The following THSD7B variants were observed in gnomAD, a reference collection of about 807,000 sequenced individuals.
THSD7B encodes thrombospondin type-1 domain-containing protein 7B.
THSD7B carries 138 observed loss-of-function variants against 213.6 expected under a neutral mutation model. The observed-to-expected ratio is 0.65, with a 90% confidence interval of 0.56 to 0.74. The LOEUF (loss-of-function observed/expected upper bound fraction) is 0.74, where lower values mean the gene tolerates loss of function less well. Among genes scored for constraint, THSD7B ranks in the 30% least tolerant of loss-of-function variants. The pLI, the probability that THSD7B is intolerant of heterozygous loss-of-function variation, is 0.00. For missense variants in THSD7B, 1,931 were observed against 1,991.5 expected, an observed-to-expected ratio of 0.97 and a Z score of 0.58; for synonymous variants, 742 against 687.0, an observed-to-expected ratio of 1.08 and a Z score of -1.25.
intron 15 of THSD7B, among the ~76,000 whole-genome samples, chr2:137,477,570 T>C (rs1417292527): frequency 6.6e-6 from 1 of 151,966 alleles, no homozygotes; most frequent in Non-Finnish European, 1.5e-5. Context: ...TTTTATTAAC[T>C]GATTTCTGGT....
Position 137,289,854 on chromosome 2 carries a change from T to C in THSD7B, c.2500+13828T>C, listed in dbSNP as rs2573089. 5.9e-3 allele frequency among the ~76,000 whole-genome samples: 896 copies of C among 152,134 alleles called. 9 individuals are homozygous for C. The highest frequency in any genetic ancestry group is 0.02 in the African/African-American group (812 of 41,536). On this transcript the variant is annotated intron_variant, in intron 12 of 27. Coordinates refer to ENST00000409968, the MANE Select transcript of THSD7B (RefSeq NM_001316349.2). ...AAGGTGTTCGAGAGGGAGGAAATACTTGAGTAAGCATGATTTTTGGGTGAG... is the reference window on the plus strand; with the variant it reads ...AAGGTGTTCGAGAGGGAGGAAATACCTGAGTAAGCATGATTTTTGGGTGAG...
chr2:137,616,502 A>G (rs892603956), intron 18 of THSD7B, among the ~76,000 whole-genome samples, 186 bp downstream of exon 18: 1 of 152,212 alleles, frequency 6.6e-6, no homozygotes, highest in Admixed American at 6.5e-5. Context: ...CTTGGCATGT[A>G]GAATCAGCAA....
At chr2:137,052,593 T>A (rs1687089126) in intron 2 of THSD7B, among the ~76,000 whole-genome samples, 1 of 152,140 alleles carries the variant, frequency 6.6e-6, no homozygotes, top group Admixed American at 6.5e-5. Flanking sequence ...GTAATAAATG[T>A]AAAGGTAATA....
At chr2:136,925,257 T>A (rs1366122238) in intron 2 of THSD7B, among the ~76,000 whole-genome samples, 2 of 152,348 alleles carry the variant, frequency 1.3e-5, no homozygotes, top group African/African-American at 4.8e-5. Flanking sequence ...TTTCTTATCT[T>A]AGAAGAAAAG....
intron 5 of THSD7B, among the ~76,000 whole-genome samples, chr2:137,141,713 T>A (rs959961522): frequency 5.3e-5 from 8 of 151,734 alleles, no homozygotes; most frequent in Non-Finnish European, 1.2e-4. Context: ...GTTTGTATCT[T>A]CCAGATAAAA....
chr2:137,433,576 A>T (rs1301231121), intron 14 of THSD7B, among the ~76,000 whole-genome samples: 1 of 151,628 alleles, frequency 6.6e-6, no homozygotes, highest in Non-Finnish European at 1.5e-5. Context: ...CTGGTCTCGA[A>T]CTCCTGACCT....
chr2:137,621,332 G>A (rs1425114197), intron 20 of THSD7B, among the ~76,000 whole-genome samples: 1 of 152,154 alleles, frequency 6.6e-6, no homozygotes, highest in Non-Finnish European at 1.5e-5. Flanking sequence ...GAAGATGGCA[G>A]GGAAGGAAAT....
intron 14 of THSD7B, among the ~76,000 whole-genome samples, chr2:137,430,247 C>CA (rs1466853231): frequency 2.0e-5 from 3 of 151,730 alleles, no homozygotes; most frequent in South Asian, 4.2e-4. Context: ...GACCCTGACT[C>CA]AAAAAAATTT....
intron 21 of THSD7B, among the ~76,000 whole-genome samples, chr2:137,644,875 G>A (rs529516280): frequency 3.3e-5 from 5 of 152,158 alleles, no homozygotes; most frequent in Non-Finnish European, 7.4e-5. Context: ...CACAGTGGGT[G>A]TGCCAATTCT....
intron 2 of THSD7B, among the ~76,000 whole-genome samples, chr2:136,998,109 C>G (rs1685927041): frequency 6.6e-6 from 1 of 151,972 alleles, no homozygotes; most frequent in Non-Finnish European, 1.5e-5. Context: ...AAACCTCACT[C>G]AATGCCGTGG....
chr2:137,544,130 T>C (rs896750203), intron 15 of THSD7B, among the ~76,000 whole-genome samples: 4 of 151,564 alleles, frequency 2.6e-5, no homozygotes, highest in Admixed American at 1.3e-4. Flanking sequence ...ACCAAGAAAA[T>C]TGATAACATA....
chr2:136,949,584 A>G (rs1685000810), intron 2 of THSD7B, among the ~76,000 whole-genome samples: 1 of 152,222 alleles, frequency 6.6e-6, no homozygotes, highest in Admixed American at 6.5e-5. Context: ...CCTCTGTTGA[A>G]ATCTAAACAT....
intron 12 of THSD7B, among the ~76,000 whole-genome samples, chr2:137,387,319 C>G (rs1368844746): frequency 6.6e-6 from 1 of 152,184 alleles, no homozygotes; most frequent in Non-Finnish European, 1.5e-5. Context: ...CATTCCCTAA[C>G]AAGGATACTC....
chr2:136,943,750 C>T (rs1045987196), intron 2 of THSD7B, among the ~76,000 whole-genome samples: 2 of 151,838 alleles, frequency 1.3e-5, no homozygotes, highest in Admixed American at 6.6e-5. Flanking sequence ...TTTTTTATTG[C>T]CTCTATTTGA....
intron 7 of THSD7B, among the ~76,000 whole-genome samples, chr2:137,184,336 T>C (rs1417913050): frequency 1.3e-5 from 2 of 152,124 alleles, no homozygotes; most frequent in African/African-American, 4.8e-5. Context: ...TATTATCACA[T>C]TGGCCATTAA....
At chr2:137,604,341 C>T (rs989171268) in intron 17 of THSD7B, among the ~76,000 whole-genome samples, 4 of 152,064 alleles carry the variant, frequency 2.6e-5, no homozygotes, top group African/African-American at 7.2e-5. Context: ...AATAATATTT[C>T]GTTATTATGA....
chr2:136,866,082 T>A (rs577672977), intron 1 of THSD7B, among the ~76,000 whole-genome samples: 1 of 152,192 alleles, frequency 6.6e-6, no homozygotes, highest in Admixed American at 6.5e-5. Context: ...CCAAAAGTAT[T>A]GTCAACACCT....
At chr2:137,297,436 T>C (rs1683493261) in intron 12 of THSD7B, among the ~76,000 whole-genome samples, 1 of 151,966 alleles carries the variant, frequency 6.6e-6, no homozygotes, top group Non-Finnish European at 1.5e-5. Flanking sequence ...AGGTTTTTTC[T>C]TTCTTTTTTT....
intron 11 of THSD7B, among the ~76,000 whole-genome samples, chr2:137,273,261 AG>A (rs907093595): frequency 1.9e-4 from 29 of 152,152 alleles, no homozygotes; most frequent in African/African-American, 7.0e-4. Context: ...TATTACAAAA[AG>A]AAAATGAATA....
Sources: gnomAD v4.1 joint callset for allele counts (sites outside exome capture counted in the v4.1 genomes callset) on GRCh38, gnomAD v4.1.1 for gene constraint, MANE v1.5 for transcripts, NCBI Gene and HGNC (gene_info 2026-07-23, HGNC 2026-07-21) for gene names.